EYA4: variants seen among roughly 807,000 people sequenced by gnomAD.
EYA4 encodes the protein protein phosphatase EYA4.
In EYA4, 31 loss-of-function variants were observed where a neutral mutation model predicts 87.9. That is an observed-to-expected ratio of 0.35 (90% confidence interval 0.27 to 0.48). The LOEUF (loss-of-function observed/expected upper bound fraction) is 0.48, where lower values mean the gene tolerates loss of function less well. EYA4 is among the 20% of genes least tolerant of loss of function. The probability of loss-of-function intolerance (pLI) is 0.99; values close to 1 mark genes in which losing one functional copy is unlikely to be tolerated. For missense variants in EYA4, 678 were observed against 761.4 expected, an observed-to-expected ratio of 0.89 and a Z score of 1.29; for synonymous variants, 263 against 270.6, an observed-to-expected ratio of 0.97 and a Z score of 0.28.
chr6:133,446,936 T>C (rs1025242017), intron 4 of EYA4, among the ~76,000 whole-genome samples, 182 bp downstream of exon 4: 2 of 152,224 alleles, frequency 1.3e-5, no homozygotes, highest in Non-Finnish European at 2.9e-5. Flanking sequence ...TTGCTCCTCC[T>C]GTATAGCTGG....
chr6:133,336,050 G>A (rs1782341191), intron 2 of EYA4, among the ~76,000 whole-genome samples: 2 of 152,126 alleles, frequency 1.3e-5, no homozygotes, highest in African/African-American at 4.8e-5. Context: ...ATTGGGTAGG[G>A]TAGAGGAAAG....
At chr6:133,304,087 G>A (rs1300632367) in intron 2 of EYA4, among the ~76,000 whole-genome samples, 5 of 152,144 alleles carry the variant, frequency 3.3e-5, no homozygotes, top group South Asian at 2.1e-4. Flanking sequence ...GAACAAGGGT[G>A]ATGAGTATGA....
chr6:133,270,061 G>T (rs988859843), intron 1 of EYA4, among the ~76,000 whole-genome samples: 1 of 152,190 alleles, frequency 6.6e-6, no homozygotes, highest in Non-Finnish European at 1.5e-5. Context: ...CAGCGGATTA[G>T]ATTGTACCCA....
At position 133,530,849 on chromosome 6, in the gene EYA4, A is replaced by G. The variant is rs59167148; in HGVS notation, c.*2044A>G. ...GGAATACCTTTAATAATATAAAAAT[A>G]ATGATAGTAAATCTTATACTTCTGT... On this transcript the variant is annotated 3_prime_UTR_variant, in exon 20 of 20. Transcript: ENST00000355286. 910 of 1,002,818 alleles carry G rather than the reference A, an allele frequency of 9.1e-4. 9 individuals carry two copies. In the African/African-American group the frequency reaches 0.01, roughly 11 times the overall value. 62.1% of individuals were successfully genotyped at this position (1,002,818 alleles called of 1,614,324 possible). A position where few individuals can be genotyped will look rare whatever the true frequency, so the allele number is the denominator to read the frequency against.
chr6:133,310,704 C>T (rs993845394), intron 2 of EYA4, among the ~76,000 whole-genome samples: 11 of 152,142 alleles, frequency 7.2e-5, no homozygotes, highest in Admixed American at 3.3e-4. Flanking sequence ...TTGTGAAAAA[C>T]GCTGAAAAGA....
chr6:133,490,736 T>G (rs1313783376), intron 13 of EYA4, among the ~76,000 whole-genome samples: 3 of 152,116 alleles, frequency 2.0e-5, no homozygotes, highest in Non-Finnish European at 4.4e-5. Flanking sequence ...AAGAGAGAGA[T>G]AAACTTCAAT....
chr6:133,490,919 A>G (rs1398865715), intron 13 of EYA4, among the ~76,000 whole-genome samples: 1 of 152,188 alleles, frequency 6.6e-6, no homozygotes, highest in Non-Finnish European at 1.5e-5. Flanking sequence ...TTCTTCTCCT[A>G]CACACATGGA....
At chr6:133,486,178 A>G (rs1796667415) in intron 13 of EYA4, among the ~76,000 whole-genome samples, 1 of 152,358 alleles carries the variant, frequency 6.6e-6, no homozygotes, top group Non-Finnish European at 1.5e-5. Flanking sequence ...GAATTCCATG[A>G]AAAACAACTT....
rs1378859918 is a variant in EYA4 at position 133,481,493 on chromosome 6, C to T, written c.1001C>T (p.Thr334Ile). The T allele has an allele frequency of 6.2e-7, 1 of 1,613,968 alleles. No homozygotes were observed. Among genetic ancestry groups the T allele is most frequent in the Admixed American group, 1.7e-5 (1 of 60,016 alleles). The part of the protein sequence containing the change: ...GEFDTMQSPS[T>I]PIKDLDERTC... ...TTCGATACCATGCAGAGTCCCTCCA[C>T]ACCCATCAAAGATCTTGATGAGAGA... The change falls in exon 12 of 20, where the codon ACA becomes ATA. Residue 334 changes from threonine to isoleucine, a missense_variant. Coordinates refer to ENST00000355286, the MANE Select transcript of EYA4 (RefSeq NM_004100.5).
chr6:133,291,599 G>GC (rs1778493239), intron 2 of EYA4, among the ~76,000 whole-genome samples: 1 of 152,174 alleles, frequency 6.6e-6, no homozygotes, highest in Non-Finnish European at 1.5e-5. Context: ...ATTAAAGAAA[G>GC]TAAGGCTGAA....
intron 2 of EYA4, among the ~76,000 whole-genome samples, chr6:133,370,369 A>G (rs921590118): frequency 6.6e-6 from 1 of 152,198 alleles, no homozygotes; most frequent in East Asian, 1.9e-4. Flanking sequence ...AGGCAGTTCT[A>G]TCTCAGAGAA....
At chr6:133,257,986 A>G (rs773290789) in intron 1 of EYA4, among the ~76,000 whole-genome samples, 5 of 152,176 alleles carry the variant, frequency 3.3e-5, no homozygotes, top group African/African-American at 7.2e-5. Context: ...TTCTGAATTT[A>G]TATATCTTAG....
intron 5 of EYA4, among the ~76,000 whole-genome samples, chr6:133,450,598 G>A (rs1423006537): frequency 1.3e-5 from 2 of 152,140 alleles, no homozygotes; most frequent in African/African-American, 4.8e-5. Flanking sequence ...CCACCTCCCA[G>A]GTTCAAGTGA....
At chr6:133,428,545 A>G (rs1790877732) in intron 3 of EYA4, among the ~76,000 whole-genome samples, 2 of 152,222 alleles carry the variant, frequency 1.3e-5, no homozygotes, top group Non-Finnish European at 2.9e-5. Context: ...TTCCAGAGGT[A>G]GACTGGCCTC....
chr6:133,368,763 G>T (rs2128459981), intron 2 of EYA4, among the ~76,000 whole-genome samples: 1 of 152,268 alleles, frequency 6.6e-6, no homozygotes, highest in Non-Finnish European at 1.5e-5. Flanking sequence ...TGTGCTGCAG[G>T]TGGAATGCAC....
chr6:133,385,191 T>C (rs1786599479), intron 3 of EYA4, among the ~76,000 whole-genome samples: 1 of 149,522 alleles, frequency 6.7e-6, no homozygotes, highest in South Asian at 2.1e-4. Context: ...CCCAGCTACT[T>C]GGGAGGCTGA....
chr6:133,357,879 T>C lies in EYA4; in HGVS notation c.34-24513T>C, dbSNP rs187614942. 2.2e-4 allele frequency among the ~76,000 whole-genome samples: 34 copies of C among 151,964 alleles called. No homozygotes were observed. In the East Asian group the frequency reaches 5.8e-3, roughly 26 times the overall value. On this transcript the variant is annotated intron_variant, in intron 2 of 19. Coordinates refer to ENST00000355286, the MANE Select transcript of EYA4 (RefSeq NM_004100.5). The stretch of plus-strand genomic sequence containing the variant: ...ATAGTTTTTTTATATATAATACTTA[T>C]GTAATCATTTTGATACAGTTCTATA...
rs577519917 is a variant in EYA4 at position 133,371,591 on chromosome 6, T to A, written c.34-10801T>A. On this transcript the variant is annotated intron_variant, in intron 2 of 19. Coordinates refer to ENST00000355286, the MANE Select transcript of EYA4 (RefSeq NM_004100.5). Reference sequence around the variant, plus strand: ...GAGGGACAGAGAGGCCAATTTTTTATCTCTACTTTGGTTTTTCTCTTTTCT... The same window carrying A: ...GAGGGACAGAGAGGCCAATTTTTTAACTCTACTTTGGTTTTTCTCTTTTCT... 5.9e-5 allele frequency among the ~76,000 whole-genome samples: 9 copies of A among 152,290 alleles called. No homozygotes were observed. The East Asian group carries it at 1.5e-3, about 26-fold the overall frequency.
intron 3 of EYA4, among the ~76,000 whole-genome samples, chr6:133,416,255 T>C (rs1199708341): frequency 1.3e-5 from 2 of 152,184 alleles, no homozygotes; most frequent in Non-Finnish European, 2.9e-5. Context: ...TGTTGCATAG[T>C]ACAGGGAGGA....
Sources: allele counts gnomAD v4.1 joint callset (sites outside exome capture counted in the v4.1 genomes callset), GRCh38; gene constraint gnomAD v4.1.1; transcripts MANE v1.5; gene names NCBI Gene and HGNC (gene_info 2026-07-23, HGNC 2026-07-21).